The following POLE2 variants were observed in gnomAD, a reference collection of about 807,000 sequenced individuals.
The protein encoded by POLE2 is DNA polymerase epsilon 2, accessory subunit.
POLE2 carries 56 observed loss-of-function variants against 79.4 expected under a neutral mutation model. That is an observed-to-expected ratio of 0.71 (90% confidence interval 0.57 to 0.88). The LOEUF is 0.88. Ranked by LOEUF, POLE2 falls within the 40% of genes least tolerant of loss-of-function variation. The pLI is 0.00. For synonymous variants in POLE2, 212 were observed against 214.0 expected (o/e 0.99, Z 0.08); for missense variants, 598 against 638.9 (o/e 0.94, Z 0.69).
At chr14:49,657,408 A>G (rs1884770476) in intron 10 of POLE2, among the ~76,000 whole-genome samples, 1 of 151,898 alleles carries the variant, frequency 6.6e-6, no homozygotes, top group Admixed American at 6.6e-5. Flanking sequence ...ATACACATAC[A>G]TATCTTGTTA....
At chr14:49,674,950 C>A (rs1201625211) in intron 3 of POLE2, among the ~76,000 whole-genome samples, 1 of 152,032 alleles carries the variant, frequency 6.6e-6, no homozygotes, top group African/African-American at 2.4e-5. Context: ...GAAAGCATTG[C>A]CAAAACTCTC....
chr14:49,685,812 A>G (rs538515030), intron 1 of POLE2, among the ~76,000 whole-genome samples: 1 of 149,160 alleles, frequency 6.7e-6, no homozygotes, highest in Admixed American at 6.6e-5. Flanking sequence ...TATTTTTAGT[A>G]GAGACAGGGT....
chr14:49,649,438 A>G lies in POLE2; in HGVS notation c.1497+827T>C, dbSNP rs561709861. Among the ~76,000 whole-genome samples, 676 of 142,182 alleles carry G rather than the reference A, an allele frequency of 4.8e-3. 5 individuals are homozygous for G. The highest frequency in any genetic ancestry group is 0.011 in the African/African-American group (407 of 37,658). 93.3% of individuals were successfully genotyped at this position (142,182 alleles called of 152,430 possible). The stretch of plus-strand genomic sequence containing the variant: ...TGGGATTACAGGCGTGAGCCACCAC[A>G]CCCGGCCTATATTTCTTTTCTTTTT... On this transcript the variant is annotated intron_variant, in intron 17 of 18. Coordinates refer to ENST00000216367, the MANE Select transcript of POLE2 (RefSeq NM_002692.4).
chr14:49,651,502 G>C (rs1450934140), intron 15 of POLE2, 125 bp from the exon 16 acceptor site: 3 of 514,708 alleles, frequency 5.8e-6, no homozygotes, highest in African/African-American at 3.9e-5. Context: ...ACTTCAACCA[G>C]AGTCTGTCTA....
At chr14:49,658,959 C>T (rs374456904) in intron 10 of POLE2, among the ~76,000 whole-genome samples, 7 of 152,092 alleles carry the variant, frequency 4.6e-5, no homozygotes, top group African/African-American at 1.4e-4. Flanking sequence ...AAGAAGAACG[C>T]ATTGTTACTA....
intron 6 of POLE2, 47 bp from the exon 7 acceptor site, chr14:49,666,460 C>A: frequency 1.2e-6 from 1 of 811,348 alleles, no homozygotes; most frequent in East Asian, 3.1e-5. Flanking sequence ...TATATTCTTT[C>A]AAGAAACAAA....
chr14:49,649,916 C>T (rs1178933750), intron 17 of POLE2, among the ~76,000 whole-genome samples: 1 of 152,146 alleles, frequency 6.6e-6, no homozygotes, highest in Admixed American at 6.5e-5. Context: ...CAAAATCATT[C>T]TCAAAGGACA....
chr14:49,687,355 A>C (rs1185739599), intron 1 of POLE2, among the ~76,000 whole-genome samples: 1 of 151,602 alleles, frequency 6.6e-6, no homozygotes, highest in Non-Finnish European at 1.5e-5. Flanking sequence ...TAGAACTCTA[A>C]AACACGGAGC....
Position 49,646,302 on chromosome 14 carries a change from G to GTTTTTTTTTTTTTTTTTT in POLE2, c.1565+973_1565+990dup, listed in dbSNP as rs1162033821. ...GATTTGGTCAGTTGTTTTTTTGTTG[G>GTTTTTTTTTTTTTTTTTT]TTTTTTTTTTTTTTTTTTTTTTTTT... On this transcript the variant is annotated intron_variant, in intron 18 of 18. Coordinates refer to ENST00000216367, the MANE Select transcript of POLE2 (RefSeq NM_002692.4). 2.2e-4 allele frequency among the ~76,000 whole-genome samples: 19 copies of GTTTTTTTTTTTTTTTTTT among 84,576 alleles called. 3 individuals carry two copies. Among genetic ancestry groups the GTTTTTTTTTTTTTTTTTT allele is most frequent in the Non-Finnish European group, 2.5e-4 (12 of 48,298 alleles). 55.5% of individuals were successfully genotyped at this position (84,576 alleles called of 152,430 possible).
intron 15 of POLE2, among the ~76,000 whole-genome samples, chr14:49,652,880 A>G (rs1884376796): frequency 6.6e-6 from 1 of 152,066 alleles, no homozygotes; most frequent in South Asian, 2.1e-4. Flanking sequence ...TGTCTCCCAT[A>G]AGATCAGTCC....
intron 1 of POLE2, among the ~76,000 whole-genome samples, chr14:49,684,281 G>A (rs1472520868): frequency 2.0e-5 from 3 of 151,642 alleles, no homozygotes; most frequent in South Asian, 2.1e-4. Context: ...GCTAACACAC[G>A]ATGAAACCCC....
intron 10 of POLE2, among the ~76,000 whole-genome samples, chr14:49,660,233 C>CA (rs1885003784): frequency 6.6e-6 from 1 of 152,168 alleles, no homozygotes; most frequent in African/African-American, 2.4e-5. Flanking sequence ...CAGGCTGTAC[C>CA]ATACAGCCTT....
chr14:49,655,117 A>C (rs771698252), intron 11 of POLE2, 23 bp from the exon 12 acceptor site: 2 of 1,205,038 alleles, frequency 1.7e-6, no homozygotes, highest in African/African-American at 3.1e-5. Context: ...AGAGTAAATG[A>C]ACAATACTTT....
At chr14:49,652,747 T>C (rs45467493) in intron 15 of POLE2, among the ~76,000 whole-genome samples, 28,082 of 152,024 alleles carry the variant, frequency 0.18, 2,905 homozygotes, top group Admixed American at 0.29. Context: ...ACTGATTCTA[T>C]ATTATGGTAA....
chr14:49,658,945 C>T (rs920694031), intron 10 of POLE2, among the ~76,000 whole-genome samples: 1 of 151,882 alleles, frequency 6.6e-6, no homozygotes, highest in Non-Finnish European at 1.5e-5. Context: ...TCAGGAGGTC[C>T]TTCAAGAAGA....
At chr14:49,677,733 T>A in intron 3 of POLE2, 1 of 1,379,128 alleles carries the variant, frequency 7.3e-7, no homozygotes, top group Non-Finnish European at 9.8e-7. Flanking sequence ...CAGAACCAAC[T>A]CAGCATCCCA....
At chr14:49,651,629 G>A (rs1884241203) in intron 15 of POLE2, 2 of 334,224 alleles carry the variant, frequency 6.0e-6, no homozygotes, top group Non-Finnish European at 1.1e-5. Flanking sequence ...ATTCTAGTAG[G>A]GGGTGGGGCT....
intron 6 of POLE2, among the ~76,000 whole-genome samples, chr14:49,667,552 C>CTT (rs34430638): frequency 0.013 from 1,798 of 141,402 alleles, 48 homozygotes; most frequent in African/African-American, 0.043. Context: ...CAGATAGAAA[C>CTT]TTTTTTTTTT....
chr14:49,672,726 C>T (rs1055559952), intron 5 of POLE2, among the ~76,000 whole-genome samples: 15 of 152,064 alleles, frequency 9.9e-5, no homozygotes, highest in Admixed American at 9.8e-4. Flanking sequence ...CTCGAAATCC[C>T]GACCTCAGGT....
Sources: gnomAD v4.1 joint callset for allele counts (sites outside exome capture counted in the v4.1 genomes callset) on GRCh38, gnomAD v4.1.1 for gene constraint, MANE v1.5 for transcripts, NCBI Gene and HGNC (gene_info 2026-07-23, HGNC 2026-07-21) for gene names.